Variants in CDH13 observed in about 807,000 individuals in gnomAD.
The protein encoded by CDH13 is cadherin-13.
A neutral mutation model predicts 63.8 loss-of-function variants in CDH13; 24 were observed. That is an observed-to-expected ratio of 0.38 (90% CI 0.27 to 0.53). The LOEUF is 0.53. Among genes scored for constraint, CDH13 ranks in the 20% least tolerant of loss-of-function variants. The pLI, the probability that CDH13 is intolerant of heterozygous loss-of-function variation, is 0.85. For missense variants in CDH13, 1,049 were observed against 903.1 expected (o/e 1.16, Z -2.07); for synonymous variants, 503 against 355.3 (o/e 1.42, Z -4.67).
intron 7 of CDH13, among the ~76,000 whole-genome samples, chr16:83,584,945 AACTC>A (rs1329183752): frequency 1.3e-5 from 2 of 152,222 alleles, no homozygotes; most frequent in South Asian, 2.1e-4. Context: ...GTCTTAGGAG[AACTC>A]ACTCACTACT....
chr16:83,544,480 A>G (rs1445273175), intron 7 of CDH13, among the ~76,000 whole-genome samples: 2 of 152,112 alleles, frequency 1.3e-5, no homozygotes. Context: ...AGCCTACCCT[A>G]CCTTAAACAC....
intron 6 of CDH13, among the ~76,000 whole-genome samples, chr16:83,349,445 G>C (rs1354043472): frequency 6.6e-6 from 1 of 152,158 alleles, no homozygotes; most frequent in Non-Finnish European, 1.5e-5. Context: ...CTGACCATGA[G>C]GAATGGCATG....
chr16:83,798,612 G>A lies in CDH13; in HGVS notation c.*3582G>A, dbSNP rs889001732. 2 of 152,138 alleles carry A rather than the reference G, an allele frequency of 1.3e-5. No homozygotes were observed. Among genetic ancestry groups the A allele is most frequent in the African/African-American group, 2.4e-5 (1 of 41,428 alleles). 9.4% of individuals were successfully genotyped at this position (152,138 alleles called of 1,614,324 possible). The stretch of plus-strand genomic sequence containing the variant: ...AAACCTCAGGCTATCTGGCTCCAGG[G>A]TTCATGTTCTTCCGACAACATCACA... On this transcript the variant is annotated 3_prime_UTR_variant, in exon 14 of 14. Coordinates refer to ENST00000567109, the MANE Select transcript of CDH13 (RefSeq NM_001257.5).
intron 6 of CDH13, among the ~76,000 whole-genome samples, chr16:83,393,031 C>G (rs990124394): frequency 6.6e-6 from 1 of 151,866 alleles, no homozygotes; most frequent in Non-Finnish European, 1.5e-5. Context: ...CTGCCAATAG[C>G]CCTTTCAAGG....
intron 5 of CDH13, among the ~76,000 whole-genome samples, chr16:83,330,440 C>A (rs552605797): frequency 2.6e-5 from 4 of 152,266 alleles, no homozygotes; most frequent in East Asian, 3.9e-4. Context: ...TTAGAGTGTG[C>A]CACTGCAAGA....
At chr16:83,574,502 T>A (rs9937975) in intron 7 of CDH13, among the ~76,000 whole-genome samples, 31,303 of 152,092 alleles carry the variant, frequency 0.21, 3,255 homozygotes, top group Admixed American at 0.26. Flanking sequence ...ATTAGGTGTG[T>A]CACTTACAGT....
At chr16:82,640,085 A>G (rs1041978483) in intron 1 of CDH13, among the ~76,000 whole-genome samples, 1 of 152,268 alleles carries the variant, frequency 6.6e-6, no homozygotes, top group Non-Finnish European at 1.5e-5. Flanking sequence ...AGAGAAAGAC[A>G]GGAAACAAGA....
intron 10 of CDH13, among the ~76,000 whole-genome samples, chr16:83,744,686 G>T (rs1912403865): frequency 6.6e-6 from 1 of 152,162 alleles, no homozygotes; most frequent in Non-Finnish European, 1.5e-5. Flanking sequence ...GCCTGACTCT[G>T]CAACGGCTCC....
intron 5 of CDH13, among the ~76,000 whole-genome samples, chr16:83,282,209 A>G (rs938019269): frequency 6.6e-6 from 1 of 152,174 alleles, no homozygotes; most frequent in Non-Finnish European, 1.5e-5. Flanking sequence ...AACAGATACA[A>G]TAGTAACATC....
intron 5 of CDH13, among the ~76,000 whole-genome samples, chr16:83,235,586 T>TTG (rs549825945): frequency 0.088 from 13,251 of 149,906 alleles, 864 homozygotes; most frequent in Admixed American, 0.12. Context: ...GGTGGTGTTT[T>TTG]TTTTTTTTTT....
At chr16:82,812,854 C>A (rs2037515486) in intron 1 of CDH13, among the ~76,000 whole-genome samples, 1 of 135,534 alleles carries the variant, frequency 7.4e-6, no homozygotes, top group African/African-American at 3.0e-5. Flanking sequence ...TTCTTTCCTC[C>A]CTTCTTTCCT....
At chr16:82,704,485 C>T (rs1321297226) in intron 1 of CDH13, among the ~76,000 whole-genome samples, 2 of 152,180 alleles carry the variant, frequency 1.3e-5, no homozygotes, top group Non-Finnish European at 2.9e-5. Context: ...GTCTGAGGCC[C>T]ATTCTTTACT....
intron 8 of CDH13, among the ~76,000 whole-genome samples, chr16:83,614,137 A>G (rs940289130): frequency 6.6e-6 from 1 of 152,082 alleles, no homozygotes; most frequent in African/African-American, 2.4e-5. Flanking sequence ...ATGTTTAGAG[A>G]TTAGTAGAGG....
chr16:83,602,104 CAACAAAAAAAAAAAAAAAAAAAAAAA>C (rs1907873301), intron 7 of CDH13, among the ~76,000 whole-genome samples: 1 of 3,722 alleles, frequency 2.7e-4, no homozygotes, highest in South Asian at 0.013. Context: ...AAAAGAACAA[CAACAAAAAAAAAAAAAAAAAAAAAAA>C]AAAAAAAAAA....
At chr16:83,387,974 C>G (rs1296691873) in intron 6 of CDH13, among the ~76,000 whole-genome samples, 1 of 152,142 alleles carries the variant, frequency 6.6e-6, no homozygotes, top group Non-Finnish European at 1.5e-5. Flanking sequence ...CAAGAATTAC[C>G]TTTGGTTAAC....
chr16:82,851,217 C>T (rs982701425), intron 1 of CDH13, among the ~76,000 whole-genome samples: 1 of 152,026 alleles, frequency 6.6e-6, no homozygotes, highest in African/African-American at 2.4e-5. Flanking sequence ...GGGCGAATCG[C>T]AAGGTCAGGA....
At chr16:83,082,083 A>T (rs984895078) in intron 3 of CDH13, among the ~76,000 whole-genome samples, 15 of 152,184 alleles carry the variant, frequency 9.9e-5, no homozygotes, top group African/African-American at 3.6e-4. Flanking sequence ...TACAGGCCTG[A>T]GCCACTGTGC....
chr16:83,707,413 C>A (rs1386782530), intron 10 of CDH13, among the ~76,000 whole-genome samples: 3 of 152,188 alleles, frequency 2.0e-5, no homozygotes, highest in African/African-American at 7.2e-5. Flanking sequence ...ACACCAGGCA[C>A]CTTCATCTCC....
chr16:83,273,792 C>A (rs752258016), intron 5 of CDH13, among the ~76,000 whole-genome samples: 3 of 152,078 alleles, frequency 2.0e-5, no homozygotes, highest in South Asian at 2.1e-4. Flanking sequence ...TTCGTAACTA[C>A]GCAGCGAGGT....
Sources: gnomAD v4.1 joint callset for allele counts (sites outside exome capture counted in the v4.1 genomes callset) on GRCh38, gnomAD v4.1.1 for gene constraint, MANE v1.5 for transcripts, NCBI Gene and HGNC (gene_info 2026-07-23, HGNC 2026-07-21) for gene names.